The following SPATA9 variants were observed in gnomAD, a reference collection of about 807,000 sequenced individuals.
SPATA9 encodes the protein spermatogenesis associated 9, also known as spermatogenesis-associated protein 9.
In SPATA9, 27 loss-of-function variants were observed where a neutral mutation model predicts 25.5. The observed-to-expected ratio is 1.06, with a 90% CI of 0.78 to 1.46. SPATA9 has a LOEUF of 1.46. Ranked by LOEUF, SPATA9 falls within the 40% of genes most tolerant of loss-of-function variation. The pLI, the probability that SPATA9 is intolerant of heterozygous loss-of-function variation, is 0.00. For synonymous variants in SPATA9, 102 were observed against 105.7 expected (o/e 0.97, Z 0.21); for missense variants, 282 against 297.5 (o/e 0.95, Z 0.38).
In SPATA9 at chr5:95,658,479, A is replaced by C. The variant is rs1038930922; in HGVS notation, c.*144T>G. 1 of 628,178 alleles carries C rather than the reference A, an allele frequency of 1.6e-6. No homozygotes were observed. Among genetic ancestry groups the C allele is most frequent in the Non-Finnish European group, 2.2e-6 (1 of 456,656 alleles). The allele number at this position is 628,178 out of a possible 1,614,324, so 38.9% of individuals were successfully genotyped here. A position where few individuals can be genotyped will look rare whatever the true frequency, so the allele number is the denominator to read the frequency against. On this transcript the variant is annotated 3_prime_UTR_variant, in exon 5 of 5. Transcript: ENST00000274432. ...TTTACTCTATCATGTAAATACTAGA[A>C]AATGACATTTTAATAGTAGCCCCCT...
intron 1 of SPATA9, among the ~76,000 whole-genome samples, chr5:95,697,586 G>A (rs1310319443): frequency 1.3e-5 from 2 of 152,166 alleles, no homozygotes; most frequent in Non-Finnish European, 2.9e-5. Flanking sequence ...GGGGAGGGAA[G>A]GTAACCTCCG....
the SPATA9 span, chr5:95,708,740 T>A: frequency 3.0e-6 from 2 of 671,296 alleles, no homozygotes; most frequent in Admixed American, 4.2e-5. Context: ...TCTTCATGGG[T>A]GCGAGCTGGC....
At chr5:95,727,967 A>G in the SPATA9 span, among the ~76,000 whole-genome samples, 1 of 152,210 alleles carries the variant, frequency 6.6e-6, no homozygotes, top group East Asian at 1.9e-4. Context: ...TAATAGCTTC[A>G]AACACCTGGC....
upstream of SPATA9, among the ~76,000 whole-genome samples, chr5:95,686,451 C>T (rs977488433): frequency 7.3e-5 from 11 of 151,634 alleles, no homozygotes; most frequent in South Asian, 2.1e-4. Context: ...AAAAAAAAAA[C>T]TAGGAAATAT....
At chr5:95,701,974 AG>A, upstream of SPATA9, among the ~76,000 whole-genome samples, 1 of 152,344 alleles carries the variant, frequency 6.6e-6, no homozygotes, top group South Asian at 2.1e-4. Flanking sequence ...ACTGAACAAA[AG>A]TTAATGGAGT....
At chr5:95,722,837 G>T in the SPATA9 span, among the ~76,000 whole-genome samples, 1 of 152,170 alleles carries the variant, frequency 6.6e-6, no homozygotes, top group African/African-American at 2.4e-5. Context: ...CATATTAAAG[G>T]CCAGATTACC....
chr5:95,684,000 T>G (rs1753653145), upstream of SPATA9, among the ~76,000 whole-genome samples: 1 of 151,970 alleles, frequency 6.6e-6, no homozygotes, highest in South Asian at 2.1e-4. Context: ...GAAAGAGAAA[T>G]CTTCATCCCA....
chr5:95,665,550 G>T (rs1200202474), intron 3 of SPATA9, among the ~76,000 whole-genome samples: 1 of 152,224 alleles, frequency 6.6e-6, no homozygotes, highest in African/African-American at 2.4e-5. Flanking sequence ...ACAAATGACA[G>T]AATTCTTTTT....
At chr5:95,652,185 C>A, downstream of SPATA9, 1 of 1,461,030 alleles carries the variant, frequency 6.8e-7, no homozygotes. Context: ...GAGAAGAAAG[C>A]TGTGAATGAA....
At chr5:95,706,837 CATAT>C in the SPATA9 span, among the ~76,000 whole-genome samples, 1 of 151,492 alleles carries the variant, frequency 6.6e-6, no homozygotes, top group Non-Finnish European at 1.5e-5. Flanking sequence ...GCCACATTTG[CATAT>C]ATATATATAA....
At chr5:95,659,224 C>G in intron 4 of SPATA9, 1 of 227,188 alleles carries the variant, frequency 4.4e-6, no homozygotes, top group East Asian at 9.6e-5. Flanking sequence ...GAAACATTTT[C>G]TGAGAGATGG....
At chr5:95,703,780 T>A in the SPATA9 span, among the ~76,000 whole-genome samples, 1 of 152,192 alleles carries the variant, frequency 6.6e-6, no homozygotes, top group Non-Finnish European at 1.5e-5. Flanking sequence ...ATAGTAAACA[T>A]GTATTTCTTT....
chr5:95,730,836 C>A, the SPATA9 span: 2 of 450,164 alleles, frequency 4.4e-6, no homozygotes, highest in Non-Finnish European at 8.9e-6. Flanking sequence ...TTTTTTCTCA[C>A]AAGTATGATT....
the SPATA9 span, chr5:95,731,782 C>G: frequency 6.2e-7 from 1 of 1,603,718 alleles, no homozygotes. Flanking sequence ...GCGCTGTCCC[C>G]CGCACTTCCT....
chr5:95,679,043 T>C (rs894647575), intron 2 of SPATA9, among the ~76,000 whole-genome samples: 3 of 152,226 alleles, frequency 2.0e-5, no homozygotes, highest in African/African-American at 4.8e-5. Context: ...AGCTTTATCT[T>C]TGGGGATCAC....
At chr5:95,655,986 C>G (rs138556731), downstream of SPATA9, 825 of 1,485,786 alleles carry the variant, frequency 5.6e-4, 9 homozygotes, top group African/African-American at 0.01. Flanking sequence ...GCAGACTCTT[C>G]AGAGTCTATC....
chr5:95,712,140 T>C, the SPATA9 span, among the ~76,000 whole-genome samples: 1 of 152,214 alleles, frequency 6.6e-6, no homozygotes, highest in African/African-American at 2.4e-5. Context: ...AACAATTACA[T>C]GTAAGTTGGG....
chr5:95,698,146 A>G (rs1261000470), intron 1 of SPATA9, among the ~76,000 whole-genome samples: 1 of 152,170 alleles, frequency 6.6e-6, no homozygotes, highest in Non-Finnish European at 1.5e-5. Context: ...TTCATTTGGG[A>G]AAATCACTGT....
At chr5:95,726,153 CTTA>C in the SPATA9 span, among the ~76,000 whole-genome samples, 922 of 152,298 alleles carry the variant, frequency 6.1e-3, 12 homozygotes, top group African/African-American at 0.021. Context: ...TGTTCAAATA[CTTA>C]TGACTGGAAT....
Sources: gnomAD v4.1 joint callset for allele counts (sites outside exome capture counted in the v4.1 genomes callset) on GRCh38, gnomAD v4.1.1 for gene constraint, MANE v1.5 for transcripts, NCBI Gene and HGNC (gene_info 2026-07-23, HGNC 2026-07-21) for gene names.